PRH1: variants seen among roughly 807,000 people sequenced by gnomAD.
The protein encoded by PRH1 is proline rich protein HaeIII subfamily 1.
In PRH1, 7 loss-of-function variants were observed where a neutral mutation model predicts 7.9. The observed-to-expected ratio is 0.89, with a 90% CI of 0.50 to 1.67. PRH1 has a LOEUF of 1.67. Ranked by LOEUF, PRH1 falls within the 40% of genes most tolerant of loss-of-function variation. The pLI, the probability that PRH1 is intolerant of heterozygous loss-of-function variation, is 0.00. For synonymous variants in PRH1, 45 were observed against 80.8 expected (o/e 0.56, Z 2.38); for missense variants, 109 against 223.6 (o/e 0.49, Z 3.27).
At chr12:11,009,469 C>T (rs1940974073) in intron 1 of PRH1, among the ~76,000 whole-genome samples, 2 of 151,862 alleles carry the variant, frequency 1.3e-5, no homozygotes, top group African/African-American at 4.8e-5. Context: ...CCAAACATTG[C>T]TTTTGCCCCA....
chr12:10,938,824 C>A (rs769128277), intron 2 of PRH1: 2 of 1,613,500 alleles, frequency 1.2e-6, no homozygotes, highest in Non-Finnish European at 1.7e-6. Context: ...CCAAAACCAC[C>A]TTTTTAACCC....
At chr12:11,078,369 A>G (rs113231098) in intron 1 of PRH1, 59,580 of 165,554 alleles carry the variant, frequency 0.36, 11,216 homozygotes, top group Non-Finnish European at 0.41. Flanking sequence ...CTGCCTTTAA[A>G]TTCTGTGACT....
chr12:10,919,674 G>GT (rs138424224), intron 2 of PRH1, among the ~76,000 whole-genome samples: 2,800 of 147,914 alleles, frequency 0.019, 33 homozygotes, highest in Non-Finnish European at 0.027. Context: ...AACAGTCTAC[G>GT]TTTTTTTTTT....
intron 1 of PRH1, among the ~76,000 whole-genome samples, chr12:11,101,415 AG>A (rs1945244186): frequency 6.6e-6 from 1 of 152,218 alleles, no homozygotes; most frequent in South Asian, 2.1e-4. Context: ...ACTTGAGCCA[AG>A]GTGACAGAGG....
intron 1 of PRH1, among the ~76,000 whole-genome samples, chr12:11,033,588 G>C (rs892353902): frequency 1.3e-5 from 2 of 152,120 alleles, no homozygotes; most frequent in Non-Finnish European, 2.9e-5. Flanking sequence ...GCAAAGGTTT[G>C]TCCTGTGAGG....
intron 1 of PRH1, chr12:10,986,291 C>T: frequency 6.2e-7 from 1 of 1,613,988 alleles, no homozygotes; most frequent in Non-Finnish European, 8.5e-7. Flanking sequence ...ATATCAGGGA[C>T]AGAGTAAAGG....
chr12:10,985,904 T>A, intron 1 of PRH1: 1 of 1,497,422 alleles, frequency 6.7e-7, no homozygotes, highest in Non-Finnish European at 9.0e-7. Flanking sequence ...TCTCCTAGAA[T>A]ACACACACAA....
At chr12:10,922,047 G>A (rs1386501653) in intron 2 of PRH1, among the ~76,000 whole-genome samples, 1 of 152,176 alleles carries the variant, frequency 6.6e-6, no homozygotes, top group Non-Finnish European at 1.5e-5. Flanking sequence ...GGGGATTACA[G>A]GCAGGTGCCA....
chr12:11,130,575 C>A (rs1446079920), intron 1 of PRH1, among the ~76,000 whole-genome samples: 5 of 152,220 alleles, frequency 3.3e-5, no homozygotes, highest in African/African-American at 1.2e-4. Flanking sequence ...GCTGCTCTGG[C>A]CACTGTGCCA....
At chr12:11,050,326 T>C (rs1165493558), upstream of PRH1, among the ~76,000 whole-genome samples, 1 of 152,184 alleles carries the variant, frequency 6.6e-6, no homozygotes, top group African/African-American at 2.4e-5. Flanking sequence ...AACAAAGGGA[T>C]GGGTCTGGCG....
chr12:11,104,537 T>C (rs1421266084), intron 1 of PRH1, among the ~76,000 whole-genome samples: 2 of 152,232 alleles, frequency 1.3e-5, no homozygotes. Flanking sequence ...GTTTGTTAAT[T>C]TTGATCACTG....
chr12:10,933,843 A>G (rs1195887750), intron 2 of PRH1, among the ~76,000 whole-genome samples: 1 of 152,118 alleles, frequency 6.6e-6, no homozygotes, highest in East Asian at 1.9e-4. Flanking sequence ...GAATAATTTT[A>G]TTTAATATTA....
intron 2 of PRH1, chr12:10,932,294 T>C: frequency 5.1e-6 from 2 of 389,624 alleles, no homozygotes; most frequent in South Asian, 3.5e-5. Context: ...CTAACTTCAA[T>C]ATACCAATAA....
chr12:11,077,966 G>C, intron 1 of PRH1: 1 of 864,906 alleles, frequency 1.2e-6, no homozygotes, highest in Non-Finnish European at 1.9e-6. Context: ...ATGCTGAAAT[G>C]GTTGATTATT....
chr12:11,072,815 G>A (rs1944133233), intron 1 of PRH1, among the ~76,000 whole-genome samples: 2 of 119,452 alleles, frequency 1.7e-5, no homozygotes, highest in African/African-American at 2.8e-5. Flanking sequence ...TGGGTCGGGA[G>A]ATTAAAACAG....
intron 1 of PRH1, among the ~76,000 whole-genome samples, chr12:11,074,018 C>G (rs72477427): frequency 0.38 from 41,615 of 109,588 alleles, 10,391 homozygotes; most frequent in Non-Finnish European, 0.47. Context: ...AGGGCATGAG[C>G]ACATCTGAGT....
At chr12:10,970,392 A>G (rs1385745908) in intron 2 of PRH1, among the ~76,000 whole-genome samples, 2 of 152,216 alleles carry the variant, frequency 1.3e-5, no homozygotes, top group African/African-American at 4.8e-5. Flanking sequence ...TTGAAAATTC[A>G]GTAATTTCTG....
chr12:10,965,217 G>C lies in PRH1; in HGVS notation c.-59+8438C>G. The stretch of plus-strand genomic sequence containing the variant: ...GAGACTGCCAGAGCAGTGAGAATTT[G>C]GTCAGCAAAGGAGATCTTTTGTCTC... On this transcript the variant is annotated intron_variant, in intron 2 of 3. Coordinates refer to the PRH1 transcript ENST00000539853. 3.4e-6 allele frequency: 5 copies of C among 1,484,644 alleles called. No homozygotes were observed. The Middle Eastern group carries it at 9.3e-4, about 276-fold the overall frequency. The allele number at this position is 1,484,644 out of a possible 1,614,324, so 92.0% of individuals were successfully genotyped here.
At chr12:11,048,161 T>TATAGATAG (rs1555147091), upstream of PRH1, among the ~76,000 whole-genome samples, 3,559 of 139,160 alleles carry the variant, frequency 0.026, 79 homozygotes, top group African/African-American at 0.068. Flanking sequence ...TGTGTGTGTG[T>TATAGATAG]ATAGATAGAT....
Sources: allele counts gnomAD v4.1 joint callset (sites outside exome capture counted in the v4.1 genomes callset), GRCh38; gene constraint gnomAD v4.1.1; transcripts MANE v1.5; gene names NCBI Gene and HGNC (gene_info 2026-07-23, HGNC 2026-07-21).